Variants in ASMTL observed in about 807,000 individuals in gnomAD.
ASMTL encodes probable bifunctional dTTP/UTP pyrophosphatase/methyltransferase protein.
A neutral mutation model predicts 60.3 loss-of-function variants in ASMTL; 57 were observed. The ratio of observed to expected loss-of-function variants is 0.95; its 90% CI spans 0.76 to 1.18. The LOEUF is 1.18. Among genes scored for constraint, ASMTL ranks in the 50% most tolerant of loss-of-function variants. The probability of loss-of-function intolerance (pLI) is 0.00; values close to 1 mark genes in which losing one functional copy is unlikely to be tolerated. For synonymous variants in ASMTL, 419 were observed against 373.0 expected (o/e 1.12, Z -1.42); for missense variants, 981 against 852.6 (o/e 1.15, Z -1.88).
At chrX:1,443,331 A>G (rs866523667) in intron 1 of ASMTL, among the ~76,000 whole-genome samples, 674 of 45,092 alleles carry the variant, frequency 0.015, 73 homozygotes, top group African/African-American at 0.027. Context: ...TTGGACACAC[A>G]CCGCCATCTT....
At position 1,422,747 on chromosome X, in the gene ASMTL, C is replaced by T. The variant is rs760049628; in HGVS notation, c.1061-905G>A. Among the ~76,000 whole-genome samples the T allele has an allele frequency of 1.6e-4, 25 of 152,052 alleles. No individual in the cohort carries two copies. In the South Asian group the frequency reaches 3.7e-3, roughly 23 times the overall value. On this transcript the variant is annotated intron_variant, in intron 8 of 12. Transcript: ENST00000381317. ...TCCCACCGAGCTGACCCTGAGTGTACGGTTTGCTATAGTCAGATAGATGAC... is the reference window on the plus strand; with the variant it reads ...TCCCACCGAGCTGACCCTGAGTGTATGGTTTGCTATAGTCAGATAGATGAC...
intron 2 of ASMTL, chrX:1,441,970 C>A: frequency 3.5e-6 from 2 of 572,786 alleles, no homozygotes; most frequent in East Asian, 5.8e-5. Flanking sequence ...TATTATAACA[C>A]ACAGTAACAG....
At chrX:1,436,301 G>C (rs2090961944) in intron 3 of ASMTL, among the ~76,000 whole-genome samples, 1 of 151,954 alleles carries the variant, frequency 6.6e-6, no homozygotes, top group Non-Finnish European at 1.5e-5. Context: ...AGCCTCCCGA[G>C]TTGCTGGGAA....
At chrX:1,422,934 T>C (rs1268422096) in intron 8 of ASMTL, among the ~76,000 whole-genome samples, 1 of 152,040 alleles carries the variant, frequency 6.6e-6, no homozygotes, top group African/African-American at 2.4e-5. Flanking sequence ...TCCATATTCA[T>C]CATTATTTTC....
intron 5 of ASMTL, 86 bp downstream of exon 5, chrX:1,434,936 C>T: frequency 6.8e-7 from 1 of 1,479,274 alleles, no homozygotes; most frequent in Non-Finnish European, 9.4e-7. Context: ...AGCAACCGTC[C>T]TCCTCCCTCA....
chrX:1,433,243 G>A (rs2149326912), intron 5 of ASMTL, among the ~76,000 whole-genome samples: 1 of 152,216 alleles, frequency 6.6e-6, no homozygotes, highest in South Asian at 2.1e-4. Flanking sequence ...TCATCCGCAG[G>A]GGACCTTATG....
At chrX:1,412,922 TG>T in intron 11 of ASMTL, 68 bp from the exon 12 acceptor site, 2 of 1,573,848 alleles carry the variant, frequency 1.3e-6, no homozygotes, top group African/African-American at 1.4e-5. Context: ...GGACAGATCC[TG>T]GGACGGCCAC....
At chrX:1,446,925 G>A (rs1311712983) in intron 1 of ASMTL, among the ~76,000 whole-genome samples, 3 of 152,090 alleles carry the variant, frequency 2.0e-5, no homozygotes, top group African/African-American at 4.8e-5. Flanking sequence ...TCTTTTCTAC[G>A]GTTTGAATTA....
rs1225806096 is a variant in ASMTL, at chrX:1,416,760, CACAT to C, written c.1522+1209_1522+1212del. ...ACACAGTCAGTCATGCACACACAGA[CACAT>C]GCACACACAGACGTACACACAAGCA... On this transcript the variant is annotated intron_variant, in intron 11 of 12. Coordinates refer to ENST00000381317, the MANE Select transcript of ASMTL (RefSeq NM_004192.4). Among the ~76,000 whole-genome samples the C allele has an allele frequency of 9.0e-5, 9 of 99,714 alleles. No homozygotes were observed. The East Asian group carries it at 1.9e-3, about 21-fold the overall frequency. 65.4% of individuals were successfully genotyped at this position (99,714 alleles called of 152,430 possible).
At chrX:1,428,961 A>G (rs1377564674) in intron 6 of ASMTL, among the ~76,000 whole-genome samples, 1 of 150,654 alleles carries the variant, frequency 6.6e-6, no homozygotes, top group Non-Finnish European at 1.5e-5. Flanking sequence ...CAGTGGCGCG[A>G]TCTCGGCTCC....
Position 1,452,852 on chromosome X carries a change from C to A in ASMTL, c.-12G>T. On this transcript the variant is annotated 5_prime_UTR_variant, in exon 1 of 13. Coordinates refer to ENST00000381317, the MANE Select transcript of ASMTL (RefSeq NM_004192.4). ...GGGCACAGCACCATGGCGTCCACGC[C>A]GGGAGCCGGGCGTCCGCACTTCTGA... 6.4e-7 allele frequency: 1 copy of A among 1,555,074 alleles called. No individual in the cohort carries two copies.
chrX:1,444,512 CT>C (rs2091193572), intron 1 of ASMTL, among the ~76,000 whole-genome samples: 1 of 152,132 alleles, frequency 6.6e-6, no homozygotes, highest in Non-Finnish European at 1.5e-5. Flanking sequence ...CCCAGGCTCA[CT>C]TTCTATATTT....
At chrX:1,419,499 C>T (rs1304730641) in intron 9 of ASMTL, among the ~76,000 whole-genome samples, 34 of 152,122 alleles carry the variant, frequency 2.2e-4, no homozygotes, top group Non-Finnish European at 4.0e-4. Context: ...GCAGGTGCCC[C>T]GGCTCAGCCT....
At chrX:1,412,941 C>T in intron 11 of ASMTL, 87 bp from the exon 12 acceptor site, 1 of 1,475,366 alleles carries the variant, frequency 6.8e-7, no homozygotes, top group Non-Finnish European at 9.4e-7. Context: ...CACCCGCATC[C>T]TAAATCAGGG....
intron 2 of ASMTL, among the ~76,000 whole-genome samples, chrX:1,440,705 G>A (rs1223217461): frequency 1.3e-5 from 2 of 152,100 alleles, no homozygotes; most frequent in African/African-American, 2.4e-5. Flanking sequence ...AGGCCGAGGC[G>A]GGTGGATCAC....
chrX:1,417,516 C>T (rs1276432819), intron 11 of ASMTL, among the ~76,000 whole-genome samples: 14 of 150,062 alleles, frequency 9.3e-5, no homozygotes, highest in Admixed American at 2.0e-4. Flanking sequence ...GATACAGACA[C>T]AGACATGCAC....
At chrX:1,404,621 GAATGGACGGATAGATGGATGCATGGATGA>G (rs1569530388) in intron 12 of ASMTL, among the ~76,000 whole-genome samples, 4 of 149,742 alleles carry the variant, frequency 2.7e-5, no homozygotes, top group African/African-American at 1.0e-4. Context: ...GTAGGTAGAC[GAATGGACGGATAGATGGATGCATGGATGA>G]GATGGATGGA....
At chrX:1,453,455 C>T (rs1319322631), upstream of ASMTL, among the ~76,000 whole-genome samples, 1 of 152,012 alleles carries the variant, frequency 6.6e-6, no homozygotes, top group African/African-American at 2.4e-5. Flanking sequence ...CCCCACCCCG[C>T]CTGCGGCGCC....
chrX:1,419,377 G>A (rs763115072), intron 9 of ASMTL, among the ~76,000 whole-genome samples: 1 of 152,308 alleles, frequency 6.6e-6, no homozygotes, highest in South Asian at 2.1e-4. Context: ...TGAACTCCAA[G>A]CGTCTGACTT....
Sources: allele counts gnomAD v4.1 joint callset (sites outside exome capture counted in the v4.1 genomes callset), GRCh38; gene constraint gnomAD v4.1.1; transcripts MANE v1.5; gene names NCBI Gene and HGNC (gene_info 2026-07-23, HGNC 2026-07-21).